Variants in C12orf42 observed in about 807,000 individuals in gnomAD.
C12orf42 encodes the protein chromosome 12 open reading frame 42.
Under a neutral mutation model 21.6 loss-of-function variants are expected in C12orf42, and 25 were observed. The observed-to-expected ratio is 1.16, with a 90% confidence interval of 0.84 to 1.62. C12orf42 has a LOEUF of 1.62. Among genes scored for constraint, C12orf42 ranks in the 40% most tolerant of loss-of-function variants. The pLI is 0.00. For missense variants in C12orf42, 483 were observed against 459.3 expected (o/e 1.05, Z -0.47); for synonymous variants, 174 against 175.0 (o/e 0.99, Z 0.05).
the C12orf42 span, among the ~76,000 whole-genome samples, chr12:103,227,970 T>G: frequency 1.3e-5 from 2 of 152,128 alleles, no homozygotes; most frequent in African/African-American, 4.8e-5. Context: ...GATTTAAAAT[T>G]GGTGAGATGT....
intron 2 of C12orf42, among the ~76,000 whole-genome samples, chr12:103,429,334 CAG>C (rs1171690903): frequency 2.6e-5 from 4 of 152,156 alleles, no homozygotes; most frequent in Non-Finnish European, 2.9e-5. Context: ...AACAGACAAA[CAG>C]AGAGCCAAAT....
At chr12:103,152,379 A>G in the C12orf42 span, among the ~76,000 whole-genome samples, 2 of 152,386 alleles carry the variant, frequency 1.3e-5, no homozygotes, top group African/African-American at 2.4e-5. Flanking sequence ...AAAAATCTAT[A>G]GAGAACATCA....
chr12:103,256,219 G>T (rs1242176635), intron 10 of C12orf42, among the ~76,000 whole-genome samples: 2 of 141,212 alleles, frequency 1.4e-5, no homozygotes, highest in African/African-American at 5.3e-5. Flanking sequence ...TAAACTTATT[G>T]TAGTAGTTGT....
chr12:103,355,120 G>A (rs1286965533), intron 4 of C12orf42, among the ~76,000 whole-genome samples: 1 of 151,984 alleles, frequency 6.6e-6, no homozygotes, highest in Non-Finnish European at 1.5e-5. Flanking sequence ...CTGCTTCCTT[G>A]TCCTTAGAGT....
At chr12:103,089,527 T>C in the C12orf42 span, among the ~76,000 whole-genome samples, 5 of 140,990 alleles carry the variant, frequency 3.5e-5, no homozygotes, top group African/African-American at 1.3e-4. Flanking sequence ...ATATTTCATA[T>C]GAGAATTAGA....
In C12orf42 at chr12:103,458,966, C is replaced by T. The variant is rs1484502852; in HGVS notation, c.78+19383G>A. Among the ~76,000 whole-genome samples the T allele has an allele frequency of 2.9e-5, 4 of 137,000 alleles. No homozygotes were observed. The South Asian group carries it at 7.4e-4, about 25-fold the overall frequency. The allele number at this position is 137,000 out of a possible 152,430, so 89.9% of individuals were successfully genotyped here. On this transcript the variant is annotated intron_variant, in intron 2 of 5. Coordinates refer to ENST00000548883, the MANE Select transcript of C12orf42 (RefSeq NM_198521.5). ...TGTATTAAATGTGCAAAAAAAAAAA[C>T]GTATTAGGGGAAACATCTGTGGGAG...
chr12:103,094,079 C>A, the C12orf42 span, among the ~76,000 whole-genome samples: 1 of 152,166 alleles, frequency 6.6e-6, no homozygotes, highest in Non-Finnish European at 1.5e-5. Flanking sequence ...GTGGGAGAAA[C>A]AACTTGCCCT....
At chr12:103,171,198 C>G in the C12orf42 span, among the ~76,000 whole-genome samples, 3 of 152,270 alleles carry the variant, frequency 2.0e-5, no homozygotes, top group African/African-American at 7.2e-5. Context: ...CCAATACTAT[C>G]TATCCACTGA....
intron 4 of C12orf42, among the ~76,000 whole-genome samples, chr12:103,307,934 T>C (rs2038541191): frequency 6.6e-6 from 1 of 152,182 alleles, no homozygotes; most frequent in South Asian, 2.1e-4. Context: ...TGCTTCCATA[T>C]AAATAAAAAT....
At chr12:103,403,719 C>T (rs773276150) in intron 2 of C12orf42, among the ~76,000 whole-genome samples, 1 of 152,208 alleles carries the variant, frequency 6.6e-6, no homozygotes, top group Non-Finnish European at 1.5e-5. Context: ...TTAGGCCCAT[C>T]CCGATAATTT....
chr12:103,140,732 T>TA, the C12orf42 span, among the ~76,000 whole-genome samples: 3 of 151,950 alleles, frequency 2.0e-5, no homozygotes, highest in Non-Finnish European at 4.4e-5. Flanking sequence ...AAACAAACTT[T>TA]AAAAAAATGG....
the C12orf42 span, among the ~76,000 whole-genome samples, chr12:103,200,589 C>T: frequency 9.9e-5 from 15 of 152,052 alleles, no homozygotes; most frequent in African/African-American, 3.1e-4. Flanking sequence ...TACTCAGCTC[C>T]AAATTCATCA....
At chr12:103,216,630 G>T in the C12orf42 span, among the ~76,000 whole-genome samples, 1 of 151,694 alleles carries the variant, frequency 6.6e-6, no homozygotes, top group East Asian at 1.9e-4. Context: ...CACCCGCCTC[G>T]GCCTCCTAAA....
chr12:103,049,591 C>G, the C12orf42 span, among the ~76,000 whole-genome samples: 7 of 152,194 alleles, frequency 4.6e-5, no homozygotes, highest in Non-Finnish European at 7.3e-5. Context: ...AATCTCCCAA[C>G]GTTTTCTCTT....
the C12orf42 span, among the ~76,000 whole-genome samples, chr12:103,090,311 G>A: frequency 6.6e-5 from 10 of 152,212 alleles, no homozygotes; most frequent in East Asian, 3.9e-4. Flanking sequence ...GATGGGATTC[G>A]GGATGAGGCA....
intron 4 of C12orf42, among the ~76,000 whole-genome samples, chr12:103,286,157 A>T (rs909480127): frequency 5.5e-4 from 84 of 152,124 alleles, no homozygotes; most frequent in Non-Finnish European, 1.0e-4. Flanking sequence ...AGGCTGAGGC[A>T]GGAGAATGGC....
chr12:103,245,302 G>C (rs1212670762), intron 10 of C12orf42, among the ~76,000 whole-genome samples: 1 of 152,014 alleles, frequency 6.6e-6, no homozygotes, highest in Non-Finnish European at 1.5e-5. Flanking sequence ...AGCTCTCTTG[G>C]TTCCAGTTCT....
chr12:103,444,718 C>A (rs1378020100), intron 2 of C12orf42, among the ~76,000 whole-genome samples: 2 of 152,052 alleles, frequency 1.3e-5, no homozygotes, highest in Non-Finnish European at 2.9e-5. Flanking sequence ...TATACTTGCA[C>A]AAATAAGCAA....
the C12orf42 span, among the ~76,000 whole-genome samples, chr12:103,114,458 C>T: frequency 6.6e-6 from 1 of 152,160 alleles, no homozygotes. Flanking sequence ...TGCAAGTTCT[C>T]AGGCTCCACT....
Sources: allele counts gnomAD v4.1 joint callset (sites outside exome capture counted in the v4.1 genomes callset), GRCh38; gene constraint gnomAD v4.1.1; transcripts MANE v1.5; gene names NCBI Gene and HGNC (gene_info 2026-07-23, HGNC 2026-07-21).